CNTNAP2: variants seen among roughly 807,000 people sequenced by gnomAD.
CNTNAP2 encodes the protein contactin-associated protein-like 2.
In CNTNAP2, 98 loss-of-function variants were observed where a neutral mutation model predicts 155.2. That is an observed-to-expected ratio of 0.63 (90% CI 0.54 to 0.75). The LOEUF is 0.75. Among genes scored for constraint, CNTNAP2 ranks in the 30% least tolerant of loss-of-function variants. The probability of loss-of-function intolerance (pLI) is 0.00; values close to 1 mark genes in which losing one functional copy is unlikely to be tolerated. For synonymous variants in CNTNAP2, 651 were observed against 631.2 expected (o/e 1.03, Z -0.47); for missense variants, 1,727 against 1,688.1 (o/e 1.02, Z -0.40).
At chr7:147,571,399 A>G in intron 12 of CNTNAP2, among the ~76,000 whole-genome samples, 1 of 150,752 alleles carries the variant, frequency 6.6e-6, no homozygotes. Context: ...ATTTTCTCTA[A>G]TATAATTTTC....
chr7:146,280,160 A>G (rs1423423277), intron 1 of CNTNAP2, among the ~76,000 whole-genome samples: 1 of 152,170 alleles, frequency 6.6e-6, no homozygotes, highest in African/African-American at 2.4e-5. Flanking sequence ...TGCTTTTATC[A>G]GAACAATTCT....
chr7:147,260,819 T>C (rs1017898191), intron 8 of CNTNAP2, among the ~76,000 whole-genome samples: 2 of 152,200 alleles, frequency 1.3e-5, no homozygotes, highest in African/African-American at 4.8e-5. Context: ...AATTCAATGA[T>C]AGTGATTCTC....
Position 146,605,515 on chromosome 7 carries a change from C to T in CNTNAP2, c.98-168756C>T, listed in dbSNP as rs147722852. 4.3e-3 allele frequency among the ~76,000 whole-genome samples: 624 copies of T among 143,836 alleles called. 18 individuals are homozygous for T. The highest frequency in any genetic ancestry group is 0.013 in the South Asian group (58 of 4,494). 94.4% of individuals were successfully genotyped at this position (143,836 alleles called of 152,430 possible). On this transcript the variant is annotated intron_variant, in intron 1 of 23. Coordinates refer to ENST00000361727, the MANE Select transcript of CNTNAP2 (RefSeq NM_014141.6). ...CTAAGATGGTGGAGGGTCTCAGAGC[C>T]AAGTTATGTCACTAATGAACTACAG...
intron 15 of CNTNAP2, among the ~76,000 whole-genome samples, chr7:148,024,127 A>AATC (rs936878825): frequency 2.7e-5 from 4 of 148,432 alleles, no homozygotes; most frequent in African/African-American, 1.0e-4. Flanking sequence ...TGCACTTGTG[A>AATC]ATCACCCATA....
At chr7:148,334,809 A>G (rs1798089032) in intron 21 of CNTNAP2, among the ~76,000 whole-genome samples, 1 of 152,202 alleles carries the variant, frequency 6.6e-6, no homozygotes, top group Non-Finnish European at 1.5e-5. Flanking sequence ...AACTCCAGCA[A>G]TCATTGGGGG....
chr7:147,928,148 C>T (rs568861027), intron 14 of CNTNAP2, among the ~76,000 whole-genome samples: 1 of 152,250 alleles, frequency 6.6e-6, no homozygotes, highest in South Asian at 2.1e-4. Context: ...GTGCCTTTCA[C>T]CTTCCACCGT....
chr7:147,273,567 G>T (rs1292516419), intron 8 of CNTNAP2, among the ~76,000 whole-genome samples: 1 of 151,764 alleles, frequency 6.6e-6, no homozygotes, highest in Non-Finnish European at 1.5e-5. Flanking sequence ...ATGTTCATGT[G>T]TGTCTATTGT....
At chr7:147,236,764 T>C (rs991282896) in intron 8 of CNTNAP2, among the ~76,000 whole-genome samples, 1 of 152,050 alleles carries the variant, frequency 6.6e-6, no homozygotes, top group South Asian at 2.1e-4. Flanking sequence ...ACCTTAGAGT[T>C]CTCCTATCCC....
intron 3 of CNTNAP2, among the ~76,000 whole-genome samples, chr7:146,934,033 C>A (rs1183149100): frequency 6.6e-6 from 1 of 152,100 alleles, no homozygotes; most frequent in Non-Finnish European, 1.5e-5. Flanking sequence ...GTCAGTGTGG[C>A]GTTTCCTCAG....
At chr7:148,412,500 AGT>A (rs1489715562) in intron 23 of CNTNAP2, among the ~76,000 whole-genome samples, 3 of 152,194 alleles carry the variant, frequency 2.0e-5, no homozygotes, top group Non-Finnish European at 4.4e-5. Flanking sequence ...TCATTTTCTA[AGT>A]GTCTCTCTCT....
intron 1 of CNTNAP2, among the ~76,000 whole-genome samples, chr7:146,345,934 C>T (rs1794812218): frequency 2.6e-5 from 4 of 151,996 alleles, no homozygotes; most frequent in African/African-American, 9.6e-5. Flanking sequence ...ATCATGCAGC[C>T]CCATGAATAA....
At chr7:147,716,814 C>T (rs1796487169) in intron 13 of CNTNAP2, among the ~76,000 whole-genome samples, 2 of 152,282 alleles carry the variant, frequency 1.3e-5, no homozygotes, top group Admixed American at 6.5e-5. Flanking sequence ...TTTCTTTCTA[C>T]ATTCTGTATC....
chr7:147,270,309 G>T (rs554056054), intron 8 of CNTNAP2, among the ~76,000 whole-genome samples: 11 of 147,750 alleles, frequency 7.4e-5, no homozygotes, highest in African/African-American at 3.0e-4. Context: ...GTATTTGTAT[G>T]TACATAGTTT....
At chr7:146,511,151 G>A (rs139095850) in intron 1 of CNTNAP2, among the ~76,000 whole-genome samples, 2 of 152,112 alleles carry the variant, frequency 1.3e-5, no homozygotes, top group Non-Finnish European at 2.9e-5. Flanking sequence ...ACCCTCCTCA[G>A]CCTCCCAAAG....
chr7:147,081,507 C>A (rs1190341619), intron 4 of CNTNAP2: 2 of 151,324 alleles, frequency 1.3e-5, no homozygotes, highest in African/African-American at 4.9e-5. Flanking sequence ...TTCTCCGCCT[C>A]CCGGGTTCAA....
At chr7:148,142,415 AAGATATT>A (rs1234973227) in intron 16 of CNTNAP2, among the ~76,000 whole-genome samples, 1 of 152,162 alleles carries the variant, frequency 6.6e-6, no homozygotes, top group Non-Finnish European at 1.5e-5. Context: ...GAAACAAAAA[AAGATATT>A]GATAACACTG....
At chr7:146,127,333 A>AC (rs1797651833) in intron 1 of CNTNAP2, among the ~76,000 whole-genome samples, 1 of 152,180 alleles carries the variant, frequency 6.6e-6, no homozygotes, top group Admixed American at 6.5e-5. Flanking sequence ...AAATACTAAG[A>AC]CGCAGCAGGC....
chr7:146,663,479 T>C (rs1800132283), intron 1 of CNTNAP2, among the ~76,000 whole-genome samples: 1 of 152,042 alleles, frequency 6.6e-6, no homozygotes, highest in Admixed American at 6.6e-5. Flanking sequence ...TGGAGGATAA[T>C]TGACAATCTA....
intron 1 of CNTNAP2, among the ~76,000 whole-genome samples, chr7:146,134,559 G>T (rs36200844): frequency 0.054 from 8,103 of 150,666 alleles, 242 homozygotes; most frequent in Middle Eastern, 0.11. Flanking sequence ...GTCATAGATA[G>T]CTCTTATTAT....
Sources: gnomAD v4.1 joint callset for allele counts (sites outside exome capture counted in the v4.1 genomes callset) on GRCh38, gnomAD v4.1.1 for gene constraint, MANE v1.5 for transcripts, NCBI Gene and HGNC (gene_info 2026-07-23, HGNC 2026-07-21) for gene names.